The following FBXO7 variants were observed in gnomAD, a reference collection of about 807,000 sequenced individuals.
The protein encoded by FBXO7 is F-box protein 7.
In FBXO7, 31 loss-of-function variants were observed where a neutral mutation model predicts 50.2. The ratio of observed to expected loss-of-function variants is 0.62; its 90% CI spans 0.46 to 0.83. The LOEUF (loss-of-function observed/expected upper bound fraction) is 0.83, where lower values mean the gene tolerates loss of function less well. Ranked by LOEUF, FBXO7 falls within the 40% of genes least tolerant of loss-of-function variation. The pLI, the probability that FBXO7 is intolerant of heterozygous loss-of-function variation, is 0.00. For missense variants in FBXO7, 667 were observed against 646.6 expected, an observed-to-expected ratio of 1.03 and a Z score of -0.34; for synonymous variants, 256 against 253.1, an observed-to-expected ratio of 1.01 and a Z score of -0.11.
chr22:32,485,121 G>A lies in FBXO7; in HGVS notation c.699G>A (p.Val233=). ...CGGAGAAGTGGAAGTTGAGCGGGGT[G>A]TATAAGCTGCAGTACATGCATCCTC... is the stretch of plus-strand genomic sequence containing the variant. The part of the protein sequence containing the change: ...SMPEKWKLSG[V]YKLQYMHPLC... The change falls in exon 4 of 9, where the codon GTG becomes GTA. Residue 233 remains valine, a synonymous_variant. Transcript: ENST00000266087. 1 of 1,614,214 alleles carries A rather than the reference G, an allele frequency of 6.2e-7. No individual in the cohort carries two copies. The highest frequency in any genetic ancestry group is 8.5e-7 in the Non-Finnish European group (1 of 1,180,042).
At chr22:32,476,761 C>T (rs1601501596) in intron 1 of FBXO7, among the ~76,000 whole-genome samples, 1 of 152,198 alleles carries the variant, frequency 6.6e-6, no homozygotes, top group African/African-American at 2.4e-5. Context: ...ATAGGCAGAG[C>T]TGCCATGAAA....
At chr22:32,483,095 T>C (rs9621463) in intron 2 of FBXO7, among the ~76,000 whole-genome samples, 5,955 of 152,342 alleles carry the variant, frequency 0.039, 173 homozygotes, top group Non-Finnish European at 0.055. Flanking sequence ...TTTGTAGACC[T>C]GCATTTCTCA....
intron 4 of FBXO7, among the ~76,000 whole-genome samples, chr22:32,487,096 G>C (rs2057503402): frequency 6.6e-6 from 1 of 152,234 alleles, no homozygotes; most frequent in Non-Finnish European, 1.5e-5. Context: ...GCTCTTGGCA[G>C]ACTTGCATGG....
chr22:32,492,108 G>A (rs949574650), intron 6 of FBXO7: 2 of 152,168 alleles, frequency 1.3e-5, no homozygotes, highest in African/African-American at 2.4e-5. Flanking sequence ...GTGGGATGGG[G>A]AAGTATAATT....
intron 5 of FBXO7, chr22:32,490,794 T>A: frequency 2.6e-6 from 1 of 378,972 alleles, no homozygotes; most frequent in Non-Finnish European, 4.9e-6. Context: ...TATCAGGAAA[T>A]CTTCGTATGT....
intron 6 of FBXO7, 41 bp downstream of exon 6, chr22:32,491,222 G>C (rs1255212578): frequency 7.3e-7 from 1 of 1,366,422 alleles, no homozygotes; most frequent in South Asian, 1.2e-5. Context: ...TGACTGTAAA[G>C]AATAGTAAGT....
intron 4 of FBXO7, among the ~76,000 whole-genome samples, chr22:32,486,879 C>T (rs2057502262): frequency 6.6e-6 from 1 of 152,224 alleles, no homozygotes; most frequent in Admixed American, 6.5e-5. Flanking sequence ...TGCTACATCA[C>T]ATCATAACTT....
rs1273946900 is a variant in FBXO7, at chr22:32,484,097, C to T, written c.618C>T (p.Leu206=). Residue 206 remains leucine (L), a synonymous_variant, in exon 3 of 9, where the codon CTC becomes CTT. Coordinates refer to ENST00000266087, the MANE Select transcript of FBXO7 (RefSeq NM_012179.4). ...NDALIVLIHL[L]MLESGYIPQG... ...CCTTGATAGTGTTGATACATCTTCT[C>T]ATGTTGGAGTCAGGTTACATACCTC... 2 of 1,614,008 alleles carry T rather than the reference C, an allele frequency of 1.2e-6. No homozygotes were observed. The highest frequency in any genetic ancestry group is 2.7e-5 in the African/African-American group (2 of 74,910).
intron 4 of FBXO7, among the ~76,000 whole-genome samples, chr22:32,485,476 TATTTA>T (rs1159505817): frequency 6.6e-6 from 1 of 152,222 alleles, no homozygotes; most frequent in Non-Finnish European, 1.5e-5. Context: ...TGGGGGATAA[TATTTA>T]ATATTATCCA....
At chr22:32,484,496 C>G (rs2057485889) in intron 3 of FBXO7, among the ~76,000 whole-genome samples, 1 of 152,146 alleles carries the variant, frequency 6.6e-6, no homozygotes, top group Non-Finnish European at 1.5e-5. Flanking sequence ...GTTCGGTGAT[C>G]AGTGCACACC....
intron 1 of FBXO7, chr22:32,475,370 G>C: frequency 1.2e-6 from 2 of 1,610,400 alleles, no homozygotes; most frequent in East Asian, 2.2e-5. Flanking sequence ...ACATGGCCCG[G>C]CCTCCCGGGG....
intron 4 of FBXO7, among the ~76,000 whole-genome samples, chr22:32,485,731 G>T (rs1384782313): frequency 1.3e-5 from 2 of 152,058 alleles, no homozygotes; most frequent in East Asian, 3.9e-4. Flanking sequence ...TATTTGCTGG[G>T]CCTCCCCCAA....
chr22:32,476,344 T>C (rs2057428800), intron 1 of FBXO7, among the ~76,000 whole-genome samples: 1 of 152,178 alleles, frequency 6.6e-6, no homozygotes, highest in Non-Finnish European at 1.5e-5. Context: ...GAGTAGAAGA[T>C]TGAATAAATC....
chr22:32,496,509 A>C (rs1214135656), intron 8 of FBXO7, among the ~76,000 whole-genome samples: 1 of 152,116 alleles, frequency 6.6e-6, no homozygotes, highest in Non-Finnish European at 1.5e-5. Flanking sequence ...ACAACAAAAA[A>C]AGGAATTATG....
chr22:32,498,721 G>C lies in FBXO7; in HGVS notation c.*191G>C. Reference sequence around the variant, plus strand: ...GACCCAAAGGTTCCTCTGTGACAAGGTTGGCCTTGGGAATAGTTGGCTGCC... The same window carrying C: ...GACCCAAAGGTTCCTCTGTGACAAGCTTGGCCTTGGGAATAGTTGGCTGCC... On this transcript the variant is annotated 3_prime_UTR_variant, in exon 9 of 9. Transcript: ENST00000266087. 1 of 669,546 alleles carries C rather than the reference G, an allele frequency of 1.5e-6. No individual in the cohort carries two copies. The allele number at this position is 669,546 out of a possible 1,614,324, so 41.5% of individuals were successfully genotyped here.
At chr22:32,496,467 G>A (rs2057575488) in intron 8 of FBXO7, among the ~76,000 whole-genome samples, 1 of 151,664 alleles carries the variant, frequency 6.6e-6, no homozygotes. Context: ...AGGAGACAGT[G>A]TGAGACTCTG....
chr22:32,478,530 G>T (rs541003012), intron 1 of FBXO7, among the ~76,000 whole-genome samples: 1 of 152,128 alleles, frequency 6.6e-6, no homozygotes, highest in Non-Finnish European at 1.5e-5. Flanking sequence ...TATAGATTAG[G>T]CATTCATTGA....
At chr22:32,494,115 A>AAG (rs971066819) in intron 7 of FBXO7, among the ~76,000 whole-genome samples, 14 of 150,982 alleles carry the variant, frequency 9.3e-5, no homozygotes, top group African/African-American at 2.7e-4. Context: ...CTTAAAAAAA[A>AAG]AAAAAAAAAA....
rs764006085 is a variant in FBXO7 at position 32,493,237 on chromosome 22, A to G, written c.1100A>G (p.Asn367Ser). ...TGTCGTGACCTCTTTACTGCTTCAA[A>G]TGACCCACTCCTGTGGAGGTTTTTA... ...AVCRDLFTAS[N>S]DPLLWRFLYL... The change falls in exon 7 of 9, where the codon AAT (asparagine) becomes AGT (serine). Residue 367 changes from asparagine to serine, a missense_variant. By Grantham distance (46) the Asn-to-Ser change is conservative (BLOSUM62 1). Transcript: ENST00000266087. 22 of 1,614,032 alleles carry G rather than the reference A, an allele frequency of 1.4e-5. No homozygotes were observed. The African/African-American group carries it at 2.7e-4, about 20-fold the overall frequency.
Sources: gnomAD v4.1 joint callset for allele counts (sites outside exome capture counted in the v4.1 genomes callset) on GRCh38, gnomAD v4.1.1 for gene constraint, MANE v1.5 for transcripts, NCBI Gene and HGNC (gene_info 2026-07-23, HGNC 2026-07-21) for gene names.